PIGX: variants seen among roughly 807,000 people sequenced by gnomAD.
PIGX encodes phosphatidylinositol glycan anchor biosynthesis class X.
Under a neutral mutation model 28.7 loss-of-function variants are expected in PIGX, and 24 were observed. The observed-to-expected ratio is 0.84, with a 90% CI of 0.60 to 1.17. The LOEUF (loss-of-function observed/expected upper bound fraction) is 1.17, where lower values mean the gene tolerates loss of function less well. PIGX is among the 50% of genes most tolerant of loss of function. The pLI, the probability that PIGX is intolerant of heterozygous loss-of-function variation, is 0.00. For missense variants in PIGX, 305 were observed against 317.8 expected, an observed-to-expected ratio of 0.96 and a Z score of 0.31; for synonymous variants, 127 against 121.0, an observed-to-expected ratio of 1.05 and a Z score of -0.33.
chr3:196,731,729 CT>C (rs1471651526), intron 5 of PIGX, among the ~76,000 whole-genome samples: 1 of 152,082 alleles, frequency 6.6e-6, no homozygotes, highest in African/African-American at 2.4e-5. Flanking sequence ...GAAGAGTATG[CT>C]TAGTGTTTAT....
At chr3:196,718,893 G>A (rs1424793572) in intron 2 of PIGX, among the ~76,000 whole-genome samples, 2 of 152,086 alleles carry the variant, frequency 1.3e-5, no homozygotes, top group Non-Finnish European at 2.9e-5. Context: ...TGATGAATTG[G>A]ATGAATTGAC....
chr3:196,727,846 A>G (rs578236814), intron 3 of PIGX, 77 bp from the exon 4 acceptor site: 86 of 987,322 alleles, frequency 8.7e-5, no homozygotes, highest in Middle Eastern at 2.8e-4. Context: ...ATCTGTATAT[A>G]GTCTTCTGGT....
At chr3:196,718,852 A>G (rs539967015) in intron 2 of PIGX, among the ~76,000 whole-genome samples, 1 of 152,154 alleles carries the variant, frequency 6.6e-6, no homozygotes, top group Non-Finnish European at 1.5e-5. Flanking sequence ...TGCTACATTT[A>G]GGATTGTTCT....
rs60317348 is a variant in PIGX at position 196,735,294 on chromosome 3, C to CAAAAAAAAAA, written c.*1413_*1422dup. 12 of 45,234 alleles carry CAAAAAAAAAA rather than the reference C, an allele frequency of 2.7e-4. No homozygotes were observed. Among genetic ancestry groups the CAAAAAAAAAA allele is most frequent in the African/African-American group, 4.2e-4 (5 of 12,008 alleles). 2.8% of individuals were successfully genotyped at this position (45,234 alleles called of 1,614,324 possible). On this transcript the variant is annotated 3_prime_UTR_variant, in exon 6 of 6. Coordinates refer to ENST00000392391, the MANE Select transcript of PIGX (RefSeq NM_017861.4). The stretch of plus-strand genomic sequence containing the variant: ...TGGGCGACAGAGTGAGACTCTGTCT[C>CAAAAAAAAAA]AAAAAAAAAAAAAAAAAAAAAAAAA...
intron 5 of PIGX, among the ~76,000 whole-genome samples, chr3:196,731,917 C>T (rs1030149118): frequency 2.6e-5 from 4 of 151,812 alleles, no homozygotes; most frequent in African/African-American, 7.3e-5. Context: ...ACCTCCGCCT[C>T]CCTGTTCAAT....
chr3:196,724,583 T>C (rs1040108971), intron 3 of PIGX, among the ~76,000 whole-genome samples: 1 of 152,158 alleles, frequency 6.6e-6, no homozygotes, highest in Non-Finnish European at 1.5e-5. Flanking sequence ...AGGTAGAGAG[T>C]GCCATTATAG....
chr3:196,714,579 A>G (rs1446364989), intron 1 of PIGX, among the ~76,000 whole-genome samples: 1 of 151,064 alleles, frequency 6.6e-6, no homozygotes, highest in African/African-American at 2.4e-5. Flanking sequence ...CTCCTGCCTC[A>G]GCCTCCCAAG....
chr3:196,728,284 C>G (rs890752535), intron 4 of PIGX, 148 bp downstream of exon 4: 23 of 621,020 alleles, frequency 3.7e-5, no homozygotes, highest in Admixed American at 2.4e-4. Flanking sequence ...TAATAATTCA[C>G]TAAACTATGT....
At chr3:196,719,018 C>CT (rs1402887774) in intron 2 of PIGX, among the ~76,000 whole-genome samples, 2 of 151,972 alleles carry the variant, frequency 1.3e-5, no homozygotes, top group Non-Finnish European at 2.9e-5. Context: ...ATTTGCATAT[C>CT]TTTTTTATCC....
At position 196,712,581 on chromosome 3, in the gene PIGX, G is replaced by C. The variant is rs1008298464; in HGVS notation, c.49G>C (p.Gly17Arg). 1.3e-4 allele frequency: 155 copies of C among 1,190,214 alleles called. No homozygotes were observed. The highest frequency in any genetic ancestry group is 4.4e-5 in the Non-Finnish European group (42 of 961,278). The allele number at this position is 1,190,214 out of a possible 1,614,324, so 73.7% of individuals were successfully genotyped here. ...TCGGGCGGCCGCCTGGCTGCTCCTC[G>C]GGGCGGCGACCGGGCTCACGCGCGG... The change falls in exon 1 of 6, where the codon GGG (glycine) becomes CGG (arginine). Residue 17 changes from glycine to arginine, a missense_variant. By Grantham distance (125) the Gly-to-Arg change is moderately radical. Transcript: ENST00000392391.
intron 3 of PIGX, among the ~76,000 whole-genome samples, chr3:196,724,432 A>G (rs991895308): frequency 1.4e-4 from 21 of 152,220 alleles, no homozygotes; most frequent in Non-Finnish European, 2.4e-4. Flanking sequence ...TTGGAATCAT[A>G]TTTAAATCTA....
At position 196,733,811 on chromosome 3, in the gene PIGX, C is replaced by A; in HGVS notation, c.686C>A (p.Ser229Tyr). Residue 229 changes from serine to tyrosine, a missense_variant, in exon 6 of 6, where the codon TCT becomes TAT. Coordinates refer to ENST00000392391, the MANE Select transcript of PIGX (RefSeq NM_017861.4). This position sits in a 1 kb window ranked among gnomAD's most constrained non-coding sequence, Gnocchi z 4.3. ...CCAGTGGGACTGACTGTACATACCT[C>A]TCTAGTATGTTCTGTGACTCTGCTC... 6.5e-7 allele frequency: 1 copy of A among 1,547,676 alleles called. No homozygotes were observed. Among genetic ancestry groups the A allele is most frequent in the Non-Finnish European group, 8.9e-7 (1 of 1,119,170 alleles).
chr3:196,723,742 A>T (rs1712414984), intron 3 of PIGX, among the ~76,000 whole-genome samples: 1 of 151,892 alleles, frequency 6.6e-6, no homozygotes, highest in Admixed American at 6.6e-5. Flanking sequence ...ACGAATTTTT[A>T]AAACTGTAAA....
At chr3:196,724,190 T>A (rs902495518) in intron 3 of PIGX, among the ~76,000 whole-genome samples, 1 of 151,978 alleles carries the variant, frequency 6.6e-6, no homozygotes, top group African/African-American at 2.4e-5. Context: ...AATTTTTGTA[T>A]TTTTAGTAGA....
chr3:196,712,738 G>A (rs908595721), intron 1 of PIGX, 94 bp downstream of exon 1: 57 of 1,112,390 alleles, frequency 5.1e-5, no homozygotes, highest in Non-Finnish European at 6.3e-5. Flanking sequence ...ACCCGGCGCG[G>A]GACCTAGATC....
Position 196,732,277 on chromosome 3 carries a change from TTTTTTATTTTA to T in PIGX, c.633+1191_633+1201del, listed in dbSNP as rs1423409155. ...ATATATTTTATTTTATTTTATTTTT[TTTTTTATTTTA>T]TTTTTTTTTTTGAGACGGAGTCTCG... On this transcript the variant is annotated intron_variant, in intron 5 of 5. Transcript: ENST00000392391. Among the ~76,000 whole-genome samples the T allele has an allele frequency of 9.3e-4, 81 of 86,870 alleles. 4 individuals carry two copies. The highest frequency in any genetic ancestry group is 3.8e-3 in the African/African-American group (74 of 19,722). 57.0% of individuals were successfully genotyped at this position (86,870 alleles called of 152,430 possible).
At chr3:196,729,393 T>TTTTC (rs1444519698) in intron 4 of PIGX, among the ~76,000 whole-genome samples, 1 of 151,242 alleles carries the variant, frequency 6.6e-6, no homozygotes. Flanking sequence ...TCTCAAGATG[T>TTTTC]TTTCTTTCTT....
intron 5 of PIGX, among the ~76,000 whole-genome samples, chr3:196,732,857 A>C (rs1317294169): frequency 6.6e-6 from 1 of 152,202 alleles, no homozygotes; most frequent in Non-Finnish European, 1.5e-5. Flanking sequence ...TTTTCATTGA[A>C]CTTTATCTTC....
chr3:196,728,765 G>A (rs750441860), intron 4 of PIGX: 1 of 766,372 alleles, frequency 1.3e-6, no homozygotes, highest in Admixed American at 1.7e-5. Context: ...GGTCAGTGCT[G>A]TGTTCTCTTC....
Sources: gnomAD v4.1 joint callset for allele counts (sites outside exome capture counted in the v4.1 genomes callset) on GRCh38, gnomAD v4.1.1 for gene constraint, Gnocchi (gnomAD v3.1) non-coding constraint, MANE v1.5 for transcripts, NCBI Gene and HGNC (gene_info 2026-07-23, HGNC 2026-07-21) for gene names.